Variants in STYXL1 observed in about 807,000 individuals in gnomAD.
The protein encoded by STYXL1 is serine/threonine/tyrosine interacting like 1.
STYXL1 carries 32 observed loss-of-function variants against 36.4 expected under a neutral mutation model. That is an observed-to-expected ratio of 0.88 (90% confidence interval 0.66 to 1.18). The LOEUF is 1.18. Among genes scored for constraint, STYXL1 ranks in the 50% most tolerant of loss-of-function variants. The pLI, the probability that STYXL1 is intolerant of heterozygous loss-of-function variation, is 0.00. For synonymous variants in STYXL1, 133 were observed against 144.1 expected (o/e 0.92, Z 0.55); for missense variants, 354 against 394.1 (o/e 0.90, Z 0.86).
chr7:76,046,352 G>A (rs1466570480), intron 1 of STYXL1, among the ~76,000 whole-genome samples: 2 of 108,222 alleles, frequency 1.8e-5, no homozygotes, highest in Admixed American at 9.7e-5. Flanking sequence ...GCGCGCGCGC[G>A]CGCGCGCTTT....
chr7:76,034,564 C>G (rs565458449), intron 1 of STYXL1, among the ~76,000 whole-genome samples: 1 of 152,180 alleles, frequency 6.6e-6, no homozygotes. Context: ...AGAATGCCCC[C>G]GGGCTTACTT....
At chr7:76,026,191 CCAAAAAAAAAAAAAAAAAAAA>C (rs1563503928) in intron 3 of STYXL1, among the ~76,000 whole-genome samples, 1 of 8,544 alleles carries the variant, frequency 1.2e-4, no homozygotes, top group Non-Finnish European at 3.2e-4. Flanking sequence ...GACTCTGTCT[CCAAAAAAAAAAAAAAAAAAAA>C]AAAAAAAAAA....
intron 1 of STYXL1, among the ~76,000 whole-genome samples, chr7:76,046,753 C>T (rs1015875584): frequency 2.7e-5 from 4 of 146,200 alleles, no homozygotes; most frequent in African/African-American, 1.0e-4. Flanking sequence ...CGGGTTCAAG[C>T]GATTCTCCTG....
Position 76,047,896 on chromosome 7 carries a change from G to A in STYXL1, c.-239C>T, listed in dbSNP as rs1797347006. On this transcript the variant is annotated 5_prime_UTR_variant, in exon 1 of 9. Coordinates refer to ENST00000359697, the MANE Select transcript of STYXL1 (RefSeq NM_001317785.2). Reference sequence around the variant, plus strand: ...GGGTGCAGACTGGCCCTCCCACTCCGACCGCAGGTCCCCCACCGGCCACAC... The same window carrying A: ...GGGTGCAGACTGGCCCTCCCACTCCAACCGCAGGTCCCCCACCGGCCACAC... 7.1e-7 allele frequency: 1 copy of A among 1,407,434 alleles called. No individual in the cohort carries two copies. The highest frequency in any genetic ancestry group is 9.3e-7 in the Non-Finnish European group (1 of 1,081,070). The allele number at this position is 1,407,434 out of a possible 1,614,324, so 87.2% of individuals were successfully genotyped here.
intron 4 of STYXL1, among the ~76,000 whole-genome samples, chr7:76,021,208 G>A (rs894564321): frequency 3.3e-5 from 5 of 151,882 alleles, no homozygotes; most frequent in Admixed American, 3.3e-4. Context: ...CTCCCAAGTA[G>A]CTAGCAGGGA....
At chr7:76,011,921 TTTG>T (rs1792603338) in intron 5 of STYXL1, among the ~76,000 whole-genome samples, 1 of 152,216 alleles carries the variant, frequency 6.6e-6, no homozygotes. Context: ...TCAAAATTGT[TTTG>T]TTTTGACAAA....
chr7:76,025,150 G>A (rs544746265), intron 3 of STYXL1, among the ~76,000 whole-genome samples: 8 of 131,010 alleles, frequency 6.1e-5, no homozygotes, highest in Non-Finnish European at 1.1e-4. Context: ...ACGGGCGGGA[G>A]GGGGGTGGGG....
chr7:76,017,351 C>A (rs1007046470), intron 4 of STYXL1, among the ~76,000 whole-genome samples: 7 of 152,086 alleles, frequency 4.6e-5, no homozygotes, highest in Non-Finnish European at 8.8e-5. Flanking sequence ...ATGTGGTTAA[C>A]ATATACCACA....
chr7:76,000,548 A>G (rs933335596), intron 8 of STYXL1: 7 of 474,432 alleles, frequency 1.5e-5, no homozygotes, highest in African/African-American at 1.4e-4. Flanking sequence ...GATAGACGGG[A>G]GTGGGTGGGC....
chr7:76,038,222 G>C (rs1554581165), intron 1 of STYXL1, among the ~76,000 whole-genome samples: 1 of 148,752 alleles, frequency 6.7e-6, no homozygotes, highest in Non-Finnish European at 1.5e-5. Context: ...ACCTAGCTAA[G>C]TTTTTATTTT....
intron 1 of STYXL1, among the ~76,000 whole-genome samples, chr7:76,040,860 A>T (rs1049702247): frequency 9.2e-5 from 14 of 151,960 alleles, no homozygotes; most frequent in African/African-American, 3.4e-4. Flanking sequence ...AAAGAAAATG[A>T]AAAGAAAAAG....
chr7:76,016,194 A>C (rs570337249), intron 4 of STYXL1, among the ~76,000 whole-genome samples: 3 of 152,032 alleles, frequency 2.0e-5, no homozygotes, highest in African/African-American at 7.2e-5. Context: ...ATATATGTAT[A>C]TCTATACATA....
At chr7:76,008,583 G>A (rs548366982) in intron 5 of STYXL1, among the ~76,000 whole-genome samples, 13 of 152,270 alleles carry the variant, frequency 8.5e-5, no homozygotes, top group Admixed American at 7.2e-4. Flanking sequence ...CCTGTGACAC[G>A]GAGATGCATG....
chr7:76,017,565 C>G (rs1334047556), intron 4 of STYXL1, among the ~76,000 whole-genome samples: 3 of 151,476 alleles, frequency 2.0e-5, no homozygotes, highest in Non-Finnish European at 4.4e-5. Flanking sequence ...ACGAGGAGGA[C>G]AGAGAGAGAG....
rs189330040 is a variant in STYXL1, at chr7:76,013,415, T to G, written c.453+327A>C. Among the ~76,000 whole-genome samples, 212 of 151,592 alleles carry G rather than the reference T, an allele frequency of 1.4e-3. 2 individuals are homozygous for G. In the Middle Eastern group the frequency reaches 0.02, roughly 15 times the overall value. On this transcript the variant is annotated intron_variant, in intron 5 of 8. Coordinates refer to ENST00000359697, the MANE Select transcript of STYXL1 (RefSeq NM_001317785.2). The stretch of plus-strand genomic sequence containing the variant: ...GCCAGGAGTCCAGATCTAGTTTTTT[T>G]TTTGTTTGTTTTTGTTTTTGTTTTT...
chr7:76,020,294 G>A (rs1330794643), intron 4 of STYXL1, among the ~76,000 whole-genome samples: 2 of 152,190 alleles, frequency 1.3e-5, no homozygotes, highest in Non-Finnish European at 2.9e-5. Context: ...AAAGGTGGGA[G>A]CATAGCGCCA....
chr7:76,026,933 C>T (rs1554577906), intron 3 of STYXL1, among the ~76,000 whole-genome samples: 2 of 152,068 alleles, frequency 1.3e-5, no homozygotes, highest in African/African-American at 4.8e-5. Context: ...TGGTGGCGCA[C>T]GCCTGTAATC....
At chr7:76,006,055 C>T (rs1422038533) in intron 5 of STYXL1, among the ~76,000 whole-genome samples, 2 of 151,938 alleles carry the variant, frequency 1.3e-5, no homozygotes, top group Non-Finnish European at 2.9e-5. Context: ...CTGTGCTCAA[C>T]CCATCTTTTT....
rs1793574864 is a variant in STYXL1, at chr7:76,017,866, C to CAAAAGAAAAAAAAAAAAAAA, written c.308-3980_308-3979insTTTTTTTTTTTTTTTCTTTT. 5.8e-4 allele frequency among the ~76,000 whole-genome samples: 6 copies of CAAAAGAAAAAAAAAAAAAAA among 10,364 alleles called. 1 individual carries two copies. The South Asian group carries it at 0.029, about 50-fold the overall frequency. The allele number at this position is 10,364 out of a possible 152,430, so 6.8% of individuals were successfully genotyped here. ...GGGCAACAAGAGCAAAACTCCATCT[C>CAAAAGAAAAAAAAAAAAAAA]AAAAAAAAAAAAAAAGGCAAGACAG... On this transcript the variant is annotated intron_variant, in intron 4 of 8. Coordinates refer to ENST00000359697, the MANE Select transcript of STYXL1 (RefSeq NM_001317785.2).
Sources: gnomAD v4.1 joint callset for allele counts (sites outside exome capture counted in the v4.1 genomes callset) on GRCh38, gnomAD v4.1.1 for gene constraint, MANE v1.5 for transcripts, NCBI Gene and HGNC (gene_info 2026-07-23, HGNC 2026-07-21) for gene names.